The following GALNT10 variants were observed in gnomAD, a reference collection of about 807,000 sequenced individuals.
GALNT10 encodes the protein polypeptide N-acetylgalactosaminyltransferase 10, also known as GalNAc transferase 10.
GALNT10 carries 41 observed loss-of-function variants against 75.0 expected under a neutral mutation model. The observed-to-expected ratio is 0.55, with a 90% CI of 0.43 to 0.71. The LOEUF (loss-of-function observed/expected upper bound fraction) is 0.71, where lower values mean the gene tolerates loss of function less well. GALNT10 is among the 30% of genes least tolerant of loss of function. The pLI is 0.00. For synonymous variants in GALNT10, 302 were observed against 313.0 expected (o/e 0.96, Z 0.37); for missense variants, 727 against 818.5 (o/e 0.89, Z 1.36).
chr5:154,393,060 A>AAAAAAAAG (rs1346760622), intron 7 of GALNT10: 1 of 75,014 alleles, frequency 1.3e-5, no homozygotes, highest in Non-Finnish European at 2.6e-5. Context: ...GTCTCCACAA[A>AAAAAAAAG]AAAAAAAAAA....
At chr5:154,261,936 A>G (rs1753703936) in intron 1 of GALNT10, among the ~76,000 whole-genome samples, 1 of 152,202 alleles carries the variant, frequency 6.6e-6, no homozygotes, top group Admixed American at 6.5e-5. Context: ...CAAAATGGGA[A>G]TGATAACATC....
At chr5:154,309,622 T>A (rs1035394598) in intron 3 of GALNT10, among the ~76,000 whole-genome samples, 2 of 151,630 alleles carry the variant, frequency 1.3e-5, no homozygotes, top group Non-Finnish European at 2.9e-5. Context: ...CAGGATTTAC[T>A]TACAAGAATG....
intron 4 of GALNT10, among the ~76,000 whole-genome samples, chr5:154,341,522 T>C (rs1485206855): frequency 6.6e-6 from 1 of 152,216 alleles, no homozygotes; most frequent in Non-Finnish European, 1.5e-5. Flanking sequence ...TTTTTTTTCC[T>C]ATATGCTGTC....
intron 6 of GALNT10, among the ~76,000 whole-genome samples, chr5:154,381,428 T>A (rs1005999828): frequency 7.2e-5 from 11 of 152,234 alleles, no homozygotes; most frequent in Non-Finnish European, 1.3e-4. Context: ...TCCCTGCAGC[T>A]GTCCTGTGAG....
intron 2 of GALNT10, among the ~76,000 whole-genome samples, chr5:154,295,300 T>G (rs968238039): frequency 6.6e-6 from 1 of 152,214 alleles, no homozygotes; most frequent in African/African-American, 2.4e-5. Context: ...CCAGCATTTA[T>G]TGAACACCTA....
rs1156426436 is a variant in GALNT10 at position 154,202,338 on chromosome 5, G to A, written c.159+11313G>A. On this transcript the variant is annotated intron_variant, in intron 1 of 11. Transcript: ENST00000297107. ...GTGGCAGTGGGGCATGGAGTGTGGGGCACAGCTCGGTGTGGTGGCCAGGAG... is the reference window on the plus strand; with the variant it reads ...GTGGCAGTGGGGCATGGAGTGTGGGACACAGCTCGGTGTGGTGGCCAGGAG... 2.6e-5 allele frequency among the ~76,000 whole-genome samples: 4 copies of A among 152,200 alleles called. No homozygotes were observed. The East Asian group carries it at 7.7e-4, about 29-fold the overall frequency.
intron 6 of GALNT10, among the ~76,000 whole-genome samples, chr5:154,380,981 A>C (rs1316221287): frequency 1.3e-5 from 2 of 152,148 alleles, no homozygotes; most frequent in East Asian, 3.9e-4. Flanking sequence ...TAAGCACATT[A>C]CCCTCTGATC....
intron 3 of GALNT10, among the ~76,000 whole-genome samples, chr5:154,326,765 G>T (rs115408341): frequency 1.3e-5 from 2 of 152,140 alleles, no homozygotes; most frequent in African/African-American, 2.4e-5. Flanking sequence ...GGGAATGACC[G>T]CTAGTACACA....
intron 1 of GALNT10, among the ~76,000 whole-genome samples, chr5:154,240,234 A>G (rs1753309611): frequency 6.6e-6 from 1 of 152,178 alleles, no homozygotes; most frequent in Admixed American, 6.5e-5. Context: ...TTGATTATAG[A>G]TACTACTTGA....
At chr5:154,254,653 A>AT (rs1186418569) in intron 1 of GALNT10, among the ~76,000 whole-genome samples, 3 of 152,048 alleles carry the variant, frequency 2.0e-5, no homozygotes, top group Admixed American at 6.6e-5. Context: ...GCATACTTTT[A>AT]TGCCGAGTGG....
In GALNT10 at chr5:154,330,914, T is replaced by G. The variant is rs144700294; in HGVS notation, c.568+1176T>G. ...GCCTCAGAGAGACAGAGAGGGTGTG[T>G]GTGTGTGTGTGTGTGTGTGTGTGTT... On this transcript the variant is annotated intron_variant, in intron 4 of 11. Transcript: ENST00000297107. 4.6e-5 allele frequency among the ~76,000 whole-genome samples: 4 copies of G among 86,686 alleles called. No homozygotes were observed. In the Admixed American group the frequency reaches 6.5e-4, roughly 14 times the overall value. The allele number at this position is 86,686 out of a possible 152,430, so 56.9% of individuals were successfully genotyped here.
intron 1 of GALNT10, among the ~76,000 whole-genome samples, chr5:154,280,229 G>A (rs947340347): frequency 6.6e-6 from 1 of 152,200 alleles, no homozygotes; most frequent in Non-Finnish European, 1.5e-5. Flanking sequence ...GAAGTAGAGA[G>A]TAGAATAGTG....
intron 1 of GALNT10, among the ~76,000 whole-genome samples, chr5:154,249,515 T>C (rs1753482250): frequency 6.6e-6 from 1 of 152,162 alleles, no homozygotes; most frequent in Non-Finnish European, 1.5e-5. Context: ...TCTCCTACTC[T>C]TTTTTAATCC....
Position 154,266,541 on chromosome 5 carries a change from C to T in GALNT10, c.160-28275C>T, listed in dbSNP as rs145266290. Among the ~76,000 whole-genome samples the T allele has an allele frequency of 4.4e-3, 644 of 147,792 alleles. 2 individuals carry two copies. The highest frequency in any genetic ancestry group is 0.015 in the African/African-American group (614 of 39,994). On this transcript the variant is annotated intron_variant, in intron 1 of 11. Transcript: ENST00000297107. Reference sequence around the variant, plus strand: ...GCTTTTCTCTTTTCCCAACAATCTACAGTCAGGGAAAATAAAATTAAAGAC... The same window carrying T: ...GCTTTTCTCTTTTCCCAACAATCTATAGTCAGGGAAAATAAAATTAAAGAC...
chr5:154,310,441 G>GTTTTT (rs34086082), intron 3 of GALNT10, among the ~76,000 whole-genome samples: 1 of 149,556 alleles, frequency 6.7e-6, no homozygotes, highest in African/African-American at 2.5e-5. Context: ...GGTTTTTTTT[G>GTTTTT]TTTTTTTTTT....
At chr5:154,311,417 G>A (rs954834543) in intron 3 of GALNT10, among the ~76,000 whole-genome samples, 2 of 152,126 alleles carry the variant, frequency 1.3e-5, no homozygotes, top group African/African-American at 4.8e-5. Context: ...GTCAAATGGG[G>A]AACATCACTA....
At chr5:154,316,475 G>A (rs554619630) in intron 3 of GALNT10, among the ~76,000 whole-genome samples, 58 of 152,176 alleles carry the variant, frequency 3.8e-4, no homozygotes, top group Non-Finnish European at 5.6e-4. Context: ...CACAGGCCTG[G>A]GCATGAGGCT....
chr5:154,315,654 C>CA (rs1429576076), intron 3 of GALNT10, among the ~76,000 whole-genome samples: 3 of 152,212 alleles, frequency 2.0e-5, no homozygotes, highest in Non-Finnish European at 4.4e-5. Context: ...GATTGGCGGC[C>CA]CTGAGTCAGA....
chr5:154,200,572 ATG>A (rs10579400), intron 1 of GALNT10, among the ~76,000 whole-genome samples: 17,607 of 151,746 alleles, frequency 0.12, 1,161 homozygotes, highest in Non-Finnish European at 0.14. Flanking sequence ...TAAAATGTGT[ATG>A]TGTGTGTGTG....
Sources: allele counts gnomAD v4.1 joint callset (sites outside exome capture counted in the v4.1 genomes callset), GRCh38; gene constraint gnomAD v4.1.1; transcripts MANE v1.5; gene names NCBI Gene and HGNC (gene_info 2026-07-23, HGNC 2026-07-21).